Variants in CDH11 observed in about 807,000 individuals in gnomAD.
CDH11 encodes cadherin 11, also known as cadherin-11.
CDH11 carries 11 observed loss-of-function variants against 67.8 expected under a neutral mutation model. That is an observed-to-expected ratio of 0.16 (90% CI 0.10 to 0.27). The LOEUF (loss-of-function observed/expected upper bound fraction) is 0.27, where lower values mean the gene tolerates loss of function less well. CDH11 is among the 10% of genes least tolerant of loss of function. The pLI, the probability that CDH11 is intolerant of heterozygous loss-of-function variation, is 1.00. For missense variants in CDH11, 847 were observed against 1,031.2 expected (o/e 0.82, Z 2.45); for synonymous variants, 419 against 400.0 (o/e 1.05, Z -0.57).
chr16:65,058,481 T>G (rs1042137263), intron 1 of CDH11, among the ~76,000 whole-genome samples: 4 of 152,284 alleles, frequency 2.6e-5, no homozygotes, highest in South Asian at 4.2e-4. Flanking sequence ...GGGTCACACA[T>G]ACACAGTCAT....
chr16:64,972,953 A>G lies in CDH11; in HGVS notation c.1341T>C (p.Asp447=). 6.2e-7 allele frequency: 1 copy of G among 1,613,890 alleles called. No individual in the cohort carries two copies. ...TGTTGAGCCAGGCTGTTTCCTCTCTATCCAGAGGTTTTGTAGTTTTAATAA... is the reference window on the plus strand; with the variant it reads ...TGTTGAGCCAGGCTGTTTCCTCTCTGTCCAGAGGTTTTGTAGTTTTAATAA... ...DGFIKTTKPL[D]REETAWLNIT... The change falls in exon 9 of 13, where the codon GAT becomes GAC. Residue 447 remains aspartate, a synonymous_variant. Transcript: ENST00000268603.
At chr16:64,967,014 A>C (rs562682690) in intron 11 of CDH11, among the ~76,000 whole-genome samples, 8 of 152,338 alleles carry the variant, frequency 5.3e-5, no homozygotes, top group South Asian at 4.1e-4. Flanking sequence ...TAAATGATGA[A>C]AGTAACTGGA....
At chr16:65,115,204 G>A (rs2075222085) in intron 1 of CDH11, among the ~76,000 whole-genome samples, 1 of 152,068 alleles carries the variant, frequency 6.6e-6, no homozygotes, top group African/African-American at 2.4e-5. Flanking sequence ...AAATGCAAAG[G>A]TAGGAAGGAG....
chr16:64,982,147 G>T lies in CDH11; in HGVS notation c.1154C>A (p.Ala385Asp), dbSNP rs1432719746. The change falls in exon 8 of 13, where the codon GCC (alanine) becomes GAC (aspartate). Residue 385 changes from alanine (A) to aspartate (D), a missense_variant. Coordinates refer to ENST00000268603, the MANE Select transcript of CDH11 (RefSeq NM_001797.4). ...EDADEPPMFL[A>D]PSYIHEVQEN... ...TTGGACTTCGTGGATGTAACTTGGG[G>T]CCAAGAACATAGGGGGCTCATCAGC... The T allele has an allele frequency of 1.5e-5, 25 of 1,613,896 alleles. No individual in the cohort carries two copies. Among genetic ancestry groups the T allele is most frequent in the African/African-American group, 2.7e-5 (2 of 74,896 alleles).
rs755687626 is a variant in CDH11 at position 65,058,179 on chromosome 16, G to A, written c.-297-4251C>T. ...CGAGGCTGCAGTGAGCCAAAATAGCGCCACGGTACTCCAGCCTGGGTGACA... is the reference window on the plus strand; with the variant it reads ...CGAGGCTGCAGTGAGCCAAAATAGCACCACGGTACTCCAGCCTGGGTGACA... On this transcript the variant is annotated intron_variant, in intron 1 of 12. Coordinates refer to ENST00000268603, the MANE Select transcript of CDH11 (RefSeq NM_001797.4). Among the ~76,000 whole-genome samples the A allele has an allele frequency of 4.6e-5, 7 of 152,196 alleles. No individual in the cohort carries two copies. The South Asian group carries it at 6.2e-4, about 14-fold the overall frequency.
rs546293506 is a variant in CDH11 at position 65,045,708 on chromosome 16, C to T, written c.-173+8096G>A. Among the ~76,000 whole-genome samples, 4 of 152,102 alleles carry T rather than the reference C, an allele frequency of 2.6e-5. No homozygotes were observed. The South Asian group carries it at 6.2e-4, about 24-fold the overall frequency. Reference sequence around the variant, plus strand: ...ATCACGTAGGGACAGAGAGTACAGGCGGAGTCAGTAAATACGTGTTTAATG... The same window carrying T: ...ATCACGTAGGGACAGAGAGTACAGGTGGAGTCAGTAAATACGTGTTTAATG... On this transcript the variant is annotated intron_variant, in intron 2 of 12. Coordinates refer to ENST00000268603, the MANE Select transcript of CDH11 (RefSeq NM_001797.4).
chr16:65,035,768 T>C (rs1159451855), intron 2 of CDH11, among the ~76,000 whole-genome samples: 1 of 152,198 alleles, frequency 6.6e-6, no homozygotes, highest in African/African-American at 2.4e-5. Context: ...CTTGTTTTAT[T>C]GATGAAGAAT....
rs1567499150 is a variant in CDH11 at position 64,972,015 on chromosome 16, A to G, written c.1440T>C (p.Asp480=). The part of the protein sequence containing the change: ...AKVPVAIRVL[D]VNDNAPKFAA... ...CAAACTTGGGAGCATTATCGTTGAC[A>G]TCAAGGACCCTAATGGCCACTGGGA... is the stretch of plus-strand genomic sequence containing the variant. The change falls in exon 10 of 13, where the codon GAT becomes GAC. Residue 480 remains aspartate (D), a synonymous_variant. Coordinates refer to ENST00000268603, the MANE Select transcript of CDH11 (RefSeq NM_001797.4). 1 of 1,613,618 alleles carries G rather than the reference A, an allele frequency of 6.2e-7. No individual in the cohort carries two copies. Among genetic ancestry groups the G allele is most frequent in the African/African-American group, 1.3e-5 (1 of 75,042 alleles).
chr16:64,975,564 G>A (rs530855746), intron 8 of CDH11, among the ~76,000 whole-genome samples: 4 of 152,280 alleles, frequency 2.6e-5, no homozygotes, highest in Non-Finnish European at 5.9e-5. Context: ...GGGCATCTAG[G>A]GGAGGCTGAG....
intron 1 of CDH11, among the ~76,000 whole-genome samples, chr16:65,060,348 T>TAG (rs61591569): frequency 9.9e-5 from 14 of 140,838 alleles, no homozygotes; most frequent in Admixed American, 2.7e-4. Flanking sequence ...CATATATATA[T>TAG]ATATATAGAG....
At chr16:65,042,195 C>A (rs1226500474) in intron 2 of CDH11, among the ~76,000 whole-genome samples, 3 of 152,182 alleles carry the variant, frequency 2.0e-5, no homozygotes, top group African/African-American at 7.2e-5. Flanking sequence ...CATGGCTGAA[C>A]AAGTCTCTAA....
chr16:64,981,056 T>C (rs116862929), intron 8 of CDH11: 2 of 154,698 alleles, frequency 1.3e-5, no homozygotes, highest in African/African-American at 2.4e-5. Context: ...AAGAGGAAAG[T>C]GGAGAAGCAG....
intron 1 of CDH11, among the ~76,000 whole-genome samples, chr16:65,068,189 G>A (rs536215714): frequency 2.0e-5 from 3 of 149,904 alleles, no homozygotes; most frequent in Non-Finnish European, 4.5e-5. Context: ...AGAAAGGAAG[G>A]AAATGAGAGA....
chr16:65,064,775 C>T (rs550503811), intron 1 of CDH11, among the ~76,000 whole-genome samples: 3 of 152,126 alleles, frequency 2.0e-5, no homozygotes, highest in South Asian at 4.2e-4. Flanking sequence ...TAATTTTCTT[C>T]AAAAATATTT....
At chr16:65,056,993 A>G (rs2074154294) in intron 1 of CDH11, among the ~76,000 whole-genome samples, 1 of 152,190 alleles carries the variant, frequency 6.6e-6, no homozygotes, top group Non-Finnish European at 1.5e-5. Context: ...TTTGAGAAAG[A>G]GGGACTGTGG....
chr16:65,046,049 C>T lies in CDH11; in HGVS notation c.-173+7755G>A, dbSNP rs117374329. ...GTTACTTCCTGCTTGTCATGCTGTTCGAAGTCCCTCTCACTTTGAGTACAA... is the reference window on the plus strand; with the variant it reads ...GTTACTTCCTGCTTGTCATGCTGTTTGAAGTCCCTCTCACTTTGAGTACAA... On this transcript the variant is annotated intron_variant, in intron 2 of 12. Coordinates refer to ENST00000268603, the MANE Select transcript of CDH11 (RefSeq NM_001797.4). Among the ~76,000 whole-genome samples the T allele has an allele frequency of 2.5e-3, 382 of 152,248 alleles. 1 individual carries two copies. Among genetic ancestry groups the T allele is most frequent in the Non-Finnish European group, 3.4e-3 (230 of 68,012 alleles).
intron 2 of CDH11, among the ~76,000 whole-genome samples, chr16:65,029,894 A>G (rs2073608594): frequency 3.3e-5 from 5 of 152,186 alleles, no homozygotes; most frequent in Admixed American, 3.3e-4. Flanking sequence ...CAAATTGCCT[A>G]TGTCACGAGT....
intron 1 of CDH11, among the ~76,000 whole-genome samples, chr16:65,065,688 G>A (rs1198579997): frequency 6.6e-6 from 1 of 152,200 alleles, no homozygotes; most frequent in Non-Finnish European, 1.5e-5. Flanking sequence ...GGCCCACAGA[G>A]GTGAAGGAAG....
At chr16:65,100,504 C>T (rs1299702862) in intron 1 of CDH11, among the ~76,000 whole-genome samples, 4 of 151,856 alleles carry the variant, frequency 2.6e-5, no homozygotes, top group Non-Finnish European at 4.4e-5. Flanking sequence ...TTTAGAAGGC[C>T]GAGGCAGGCA....
Sources: gnomAD v4.1 joint callset for allele counts (sites outside exome capture counted in the v4.1 genomes callset) on GRCh38, gnomAD v4.1.1 for gene constraint, MANE v1.5 for transcripts, NCBI Gene and HGNC (gene_info 2026-07-23, HGNC 2026-07-21) for gene names.